The following ATG7 variants were observed in gnomAD, a reference collection of about 807,000 sequenced individuals.
The protein encoded by ATG7 is autophagy related 7, also known as ubiquitin-like modifier-activating enzyme ATG7.
ATG7 carries 70 observed loss-of-function variants against 82.4 expected under a neutral mutation model. The observed-to-expected ratio is 0.85, with a 90% CI of 0.70 to 1.04. The LOEUF (loss-of-function observed/expected upper bound fraction) is 1.04, where lower values mean the gene tolerates loss of function less well. ATG7 is among the 50% of genes least tolerant of loss of function. The pLI is 0.00. For synonymous variants in ATG7, 287 were observed against 313.0 expected, an observed-to-expected ratio of 0.92 and a Z score of 0.88; for missense variants, 792 against 864.3, an observed-to-expected ratio of 0.92 and a Z score of 1.05.
In ATG7 at chr3:11,333,011, T is replaced by C; in HGVS notation, c.807T>C (p.Arg269=). 1 of 1,576,306 alleles carries C rather than the reference T, an allele frequency of 6.3e-7. No homozygotes were observed. The highest frequency in any genetic ancestry group is 1.2e-5 in the South Asian group (1 of 85,720). Residue 269 remains arginine (R), a synonymous_variant, in exon 11 of 21, where the codon CGT becomes CGC. Coordinates refer to ENST00000693202, the MANE Select transcript of ATG7 (RefSeq NM_001349232.2). Reference sequence around the variant, plus strand: ...AGTCTGTTGAAGTTGTTTGCTTCCGTGACCGTACCATGCAGGGGGCGAGAG... The same window carrying C: ...AGTCTGTTGAAGTTGTTTGCTTCCGCGACCGTACCATGCAGGGGGCGAGAG... ...SFQSVEVVCF[R]DRTMQGARDV...
At chr3:11,288,169 C>T (rs1944396920) in intron 3 of ATG7, among the ~76,000 whole-genome samples, 1 of 152,186 alleles carries the variant, frequency 6.6e-6, no homozygotes, top group Non-Finnish European at 1.5e-5. Flanking sequence ...TATTACGTGG[C>T]AAATAATCAT....
chr3:11,443,941 C>T (rs569007257), intron 20 of ATG7, among the ~76,000 whole-genome samples: 104 of 152,306 alleles, frequency 6.8e-4, no homozygotes, highest in African/African-American at 2.3e-3. Flanking sequence ...TCATATTTTA[C>T]TTTCTGACCA....
downstream of ATG7, chr3:11,558,677 T>C (rs1247162938): frequency 3.1e-6 from 5 of 1,613,734 alleles, no homozygotes; most frequent in Non-Finnish European, 4.2e-6. Flanking sequence ...CGCTTTGATC[T>C]GGAGCCACGT....
intron 20 of ATG7, among the ~76,000 whole-genome samples, chr3:11,530,041 CAG>C (rs1266628677): frequency 6.6e-6 from 1 of 152,148 alleles, no homozygotes; most frequent in Middle Eastern, 3.2e-3. Flanking sequence ...CTACTTGGAT[CAG>C]AGGTGTCGTT....
chr3:11,347,077 T>C (rs1395365119), intron 13 of ATG7, among the ~76,000 whole-genome samples: 3 of 152,244 alleles, frequency 2.0e-5, no homozygotes, highest in Non-Finnish European at 2.9e-5. Flanking sequence ...ATATACCCAC[T>C]GTACCCTACC....
intron 19 of ATG7, among the ~76,000 whole-genome samples, chr3:11,392,451 G>C (rs1029012779): frequency 1.8e-4 from 25 of 135,518 alleles, no homozygotes; most frequent in African/African-American, 6.3e-4. Flanking sequence ...TGGTTTTGGG[G>C]AAATCATTAA....
rs139359768 is a variant in ATG7, at chr3:11,470,210, T to C, written c.2079+43284T>C. Among the ~76,000 whole-genome samples the C allele has an allele frequency of 4.1e-3, 618 of 152,278 alleles. 6 individuals are homozygous for C. Among genetic ancestry groups the C allele is most frequent in the African/African-American group, 0.014 (575 of 41,532 alleles). On this transcript the variant is annotated intron_variant, in intron 20 of 20. Transcript: ENST00000693202. ...CTTCAGCAGGAGTGTGGCACCTCTG[T>C]AGTCACACATCACTTAACGATGGGG...
At chr3:11,558,715 G>A (rs772687864), downstream of ATG7, 27 of 1,614,022 alleles carry the variant, frequency 1.7e-5, no homozygotes, top group East Asian at 3.1e-4. Flanking sequence ...CAAAGTGGTC[G>A]TCCACGGAGC....
intron 20 of ATG7, among the ~76,000 whole-genome samples, chr3:11,449,892 A>G (rs1340068334): frequency 6.6e-6 from 1 of 152,232 alleles, no homozygotes; most frequent in Non-Finnish European, 1.5e-5. Context: ...GTTGTCTATA[A>G]GAGTTTAAGG....
intron 14 of ATG7, 176 bp downstream of exon 14, chr3:11,348,211 C>A: frequency 2.3e-6 from 2 of 860,478 alleles, no homozygotes; most frequent in Non-Finnish European, 3.4e-6. Flanking sequence ...AAAACACAAC[C>A]AGGTCAGGCA....
chr3:11,545,977 A>G (rs1348038894), intron 20 of ATG7, among the ~76,000 whole-genome samples: 1 of 152,018 alleles, frequency 6.6e-6, no homozygotes, highest in African/African-American at 2.4e-5. Context: ...CATCTCCACA[A>G]AATATAAAAA....
intron 20 of ATG7, among the ~76,000 whole-genome samples, chr3:11,479,423 G>A (rs1177341074): frequency 1.3e-5 from 2 of 152,184 alleles, no homozygotes; most frequent in Non-Finnish European, 2.9e-5. Flanking sequence ...ACAGCAGAGT[G>A]CTTAAAACCC....
At chr3:11,318,895 G>A (rs553042652) in intron 9 of ATG7, among the ~76,000 whole-genome samples, 17 of 152,242 alleles carry the variant, frequency 1.1e-4, no homozygotes, top group Middle Eastern at 3.4e-3. Context: ...GATTGCTTGC[G>A]CCATTTCATT....
intron 9 of ATG7, among the ~76,000 whole-genome samples, chr3:11,328,163 A>G (rs965187437): frequency 2.0e-5 from 3 of 152,244 alleles, no homozygotes; most frequent in African/African-American, 7.2e-5. Flanking sequence ...TCTATCACCA[A>G]TAATGATATT....
Position 11,331,401 on chromosome 3 carries a change from A to G in ATG7, c.740A>G (p.Asn247Ser). The change falls in exon 10 of 21, where the codon AAT (asparagine) becomes AGT (serine). Residue 247 changes from asparagine to serine, a missense_variant. Coordinates refer to ENST00000693202, the MANE Select transcript of ATG7 (RefSeq NM_001349232.2). The part of the protein sequence containing the change: ...LAQYPGWPLR[N>S]FLVLAAHRWS... ...CAGTACCCTGGATGGCCTTTGAGGA[A>G]TTTTTTGGTCCTAGCAGCCCACAGA... 1 of 1,612,946 alleles carries G rather than the reference A, an allele frequency of 6.2e-7. No individual in the cohort carries two copies. Among genetic ancestry groups the G allele is most frequent in the Admixed American group, 1.7e-5 (1 of 60,016 alleles).
intron 20 of ATG7, among the ~76,000 whole-genome samples, chr3:11,440,348 G>A (rs1003643014): frequency 8.6e-6 from 1 of 116,252 alleles, no homozygotes; most frequent in South Asian, 2.8e-4. Flanking sequence ...TTTTTGAGAC[G>A]GAGTCTCGCT....
At chr3:11,439,426 G>A (rs2083675159) in intron 20 of ATG7, among the ~76,000 whole-genome samples, 1 of 152,090 alleles carries the variant, frequency 6.6e-6, no homozygotes, top group African/African-American at 2.4e-5. Flanking sequence ...GGGAGGGAAG[G>A]GAATGTGAAA....
intron 19 of ATG7, among the ~76,000 whole-genome samples, chr3:11,423,557 G>A (rs532562842): frequency 1.3e-5 from 2 of 151,938 alleles, no homozygotes; most frequent in East Asian, 1.9e-4. Context: ...TTTTCCTGAC[G>A]TAACATTCTG....
At chr3:11,403,235 A>G (rs2080007311) in intron 19 of ATG7, among the ~76,000 whole-genome samples, 1 of 152,190 alleles carries the variant, frequency 6.6e-6, no homozygotes, top group South Asian at 2.1e-4. Flanking sequence ...TATCAATCTG[A>G]GGAAGTCTTG....
Sources: allele counts gnomAD v4.1 joint callset (sites outside exome capture counted in the v4.1 genomes callset), GRCh38; gene constraint gnomAD v4.1.1; transcripts MANE v1.5; gene names NCBI Gene and HGNC (gene_info 2026-07-23, HGNC 2026-07-21).